Variants in CRABP2 observed in about 807,000 individuals in gnomAD.
CRABP2 encodes the protein cellular retinoic acid binding protein 2, also known as cellular retinoic acid-binding protein 2.
A neutral mutation model predicts 17.9 loss-of-function variants in CRABP2; 20 were observed. The ratio of observed to expected loss-of-function variants is 1.12; its 90% CI spans 0.79 to 1.63. The LOEUF is 1.63. CRABP2 is among the 40% of genes most tolerant of loss of function. The probability of loss-of-function intolerance (pLI) is 0.00; values close to 1 mark genes in which losing one functional copy is unlikely to be tolerated. For synonymous variants in CRABP2, 76 were observed against 66.4 expected (o/e 1.14, Z -0.70); for missense variants, 151 against 168.6 (o/e 0.90, Z 0.58).
chr1:156,703,489 AGGGATGCACTAGGCGG>A (rs1648100994), intron 1 of CRABP2, among the ~76,000 whole-genome samples: 1 of 152,188 alleles, frequency 6.6e-6, no homozygotes, highest in Non-Finnish European at 1.5e-5. Flanking sequence ...GAGTAGAGCC[AGGGATGCACTAGGCGG>A]GGGTGAAAGG....
rs1398504622 is a variant in CRABP2 at position 156,700,971 on chromosome 1, A to T, written c.152T>A (p.Phe51Tyr). Residue 51 changes from phenylalanine to tyrosine, a missense_variant, in exon 2 of 4, where the codon TTC (phenylalanine) becomes TAC (tyrosine). Coordinates refer to ENST00000368222, the MANE Select transcript of CRABP2 (RefSeq NM_001878.4). ...AVEIKQEGDT[F>Y]YIKTSTTVRT... is the part of the protein sequence containing the mutation. ...CACGGTGGTGGAGGTTTTGATGTAGAAAGTGTCTCCCTCCTGTTTGATCTC... is the reference window on the plus strand; with the variant it reads ...CACGGTGGTGGAGGTTTTGATGTAGTAAGTGTCTCCCTCCTGTTTGATCTC... 4 of 1,614,136 alleles carry T rather than the reference A, an allele frequency of 2.5e-6. No individual in the cohort carries two copies.
At chr1:156,702,649 C>G (rs6701908) in intron 1 of CRABP2, among the ~76,000 whole-genome samples, 147,615 of 151,792 alleles carry the variant, frequency 0.97, 71,884 homozygotes, top group Middle Eastern at 1. Context: ...GCACATGCCT[C>G]TACTCCCAGC....
chr1:156,702,474 A>G (rs990766359), intron 1 of CRABP2, among the ~76,000 whole-genome samples: 18 of 150,850 alleles, frequency 1.2e-4, no homozygotes, highest in African/African-American at 4.4e-4. Flanking sequence ...ACAAAAAACA[A>G]ACAAACAAAC....
intron 1 of CRABP2, among the ~76,000 whole-genome samples, chr1:156,703,557 C>T (rs968024403): frequency 1.3e-5 from 2 of 152,122 alleles, no homozygotes; most frequent in African/African-American, 4.8e-5. Context: ...CCTGATCTGG[C>T]CAACTCCCTG....
rs1647999402 is a variant in CRABP2 at position 156,700,569 on chromosome 1, T to G, written c.339A>C (p.Glu113Asp). The G allele has an allele frequency of 3.1e-6, 5 of 1,614,104 alleles. No individual in the cohort carries two copies. Among genetic ancestry groups the G allele is most frequent in the Non-Finnish European group, 4.2e-6 (5 of 1,179,974 alleles). The change falls in exon 3 of 4, where the codon GAA (glutamate) becomes GAC (aspartate). Residue 113 changes from glutamate to aspartate, a missense_variant. Glu to Asp is a conservative substitution (Grantham distance 45). Transcript: ENST00000368222. ...GGATCAGTTCCCCATCGTTGGTCAG[T>G]TCTCTGGTCCACGAGGTCTTGGGGC... ...GEGPKTSWTR[E>D]LTNDGELILT...
Position 156,700,895 on chromosome 1 carries a change from A to T in CRABP2, c.228T>A (p.Thr76=). Reference sequence around the variant, plus strand: ...TCACCTTACAGGGCCTCCCATCCACAGTCTGCTCCTCAAACTCCTCCCCAA... The same window carrying T: ...TCACCTTACAGGGCCTCCCATCCACTGTCTGCTCCTCAAACTCCTCCCCAA... ...FKVGEEFEEQ[T]VDGRPCKSLV... The change falls in exon 2 of 4, where the codon ACT becomes ACA. Residue 76 remains threonine, a synonymous_variant. Transcript: ENST00000368222. 1 of 1,613,920 alleles carries T rather than the reference A, an allele frequency of 6.2e-7. No homozygotes were observed. The highest frequency in any genetic ancestry group is 8.5e-7 in the Non-Finnish European group (1 of 1,179,896).
At position 156,700,914 on chromosome 1, in the gene CRABP2, TC is replaced by T. The variant is rs1278095019; in HGVS notation, c.208del (p.Glu70ArgfsTer17). ...ATCCACAGTCTGCTCCTCAAACTCCTCCCCAACCTTGAAGTTAATCTCTGTG... is the reference window on the plus strand; with the variant it reads ...ATCCACAGTCTGCTCCTCAAACTCCTCCCAACCTTGAAGTTAATCTCTGTG... ...RTTEINFKVG[E>X]EFEEQTVDGR... On this transcript the variant is annotated frameshift_variant, in exon 2 of 4. Coordinates refer to ENST00000368222, the MANE Select transcript of CRABP2 (RefSeq NM_001878.4). LOFTEE classifies it high-confidence loss of function. 3.7e-6 allele frequency: 6 copies of T among 1,614,022 alleles called. No homozygotes were observed. Among genetic ancestry groups the T allele is most frequent in the Non-Finnish European group, 5.1e-6 (6 of 1,179,982 alleles).
At position 156,700,360 on chromosome 1, in the gene CRABP2, T is replaced by C. The variant is rs546352702; in HGVS notation, c.366+182A>G. ...CTTTGCTTGCATAAAAGGAACACCA[T>C]TTCTAATTCACACAGGGCACTGTAT... is the stretch of plus-strand genomic sequence containing the variant. On this transcript the variant is annotated intron_variant, in intron 3 of 3. Transcript: ENST00000368222. Among the ~76,000 whole-genome samples the C allele has an allele frequency of 5.3e-5, 8 of 152,214 alleles. No homozygotes were observed. The South Asian group carries it at 1.5e-3, about 28-fold the overall frequency.
intron 1 of CRABP2, among the ~76,000 whole-genome samples, chr1:156,702,704 G>A (rs1273202110): frequency 3.3e-5 from 5 of 149,258 alleles, no homozygotes; most frequent in Admixed American, 1.3e-4. Context: ...TCCAGGAGAC[G>A]GAGGTTGTGG....
intron 1 of CRABP2, among the ~76,000 whole-genome samples, chr1:156,701,424 C>T (rs1648030113): frequency 6.6e-6 from 1 of 152,142 alleles, no homozygotes; most frequent in Admixed American, 6.5e-5. Context: ...AACAAACATC[C>T]TGCTACTGGC....
At position 156,699,957 on chromosome 1, in the gene CRABP2, G is replaced by T. The variant is rs1647976813; in HGVS notation, c.*69C>A. On this transcript the variant is annotated 3_prime_UTR_variant, in exon 4 of 4. Transcript: ENST00000368222. Reference sequence around the variant, plus strand: ...TCCTAGAAGGAGGGGGTGGGACGGAGGGGGCAGTGAAGCAGGGCGGTGAGC... The same window carrying T: ...TCCTAGAAGGAGGGGGTGGGACGGATGGGGCAGTGAAGCAGGGCGGTGAGC... 2.6e-6 allele frequency: 4 copies of T among 1,517,098 alleles called. No individual in the cohort carries two copies. In the East Asian group the frequency reaches 9.5e-5, roughly 36 times the overall value. 94.0% of individuals were successfully genotyped at this position (1,517,098 alleles called of 1,614,324 possible). A position where few individuals can be genotyped will look rare whatever the true frequency, so the allele number is the denominator to read the frequency against.
At chr1:156,705,695 C>T (rs1571483307), upstream of CRABP2, 10 of 483,980 alleles carry the variant, frequency 2.1e-5, no homozygotes, top group East Asian at 2.6e-4. The surrounding 1 kb of genome is among the most constrained non-coding windows in gnomAD (Gnocchi z 5.2). Flanking sequence ...GGGCCCTGCG[C>T]CCCCGCCACC....
intron 1 of CRABP2, among the ~76,000 whole-genome samples, chr1:156,701,625 C>T (rs1397517727): frequency 6.6e-6 from 1 of 152,076 alleles, no homozygotes; most frequent in African/African-American, 2.4e-5. Flanking sequence ...CTTCATTTGC[C>T]CAATTTCTGC....
In CRABP2 at chr1:156,705,320, C is replaced by T; in HGVS notation, c.70+57G>A. ...GTCCCGCTGTCTTTCTCATCCCCAA[C>T]TTCGAGGACTCCAGAGCCCCCCCTT... is the stretch of plus-strand genomic sequence containing the variant. On this transcript the variant is annotated intron_variant, in intron 1 of 3. Coordinates refer to ENST00000368222, the MANE Select transcript of CRABP2 (RefSeq NM_001878.4). This position sits in a 1 kb window ranked among gnomAD's most constrained non-coding sequence, Gnocchi z 5.2. The T allele has an allele frequency of 6.3e-7, 1 of 1,579,586 alleles. No homozygotes were observed. Among genetic ancestry groups the T allele is most frequent in the Non-Finnish European group, 8.7e-7 (1 of 1,148,586 alleles).
At chr1:156,701,792 C>G (rs1648041637) in intron 1 of CRABP2, among the ~76,000 whole-genome samples, 1 of 152,146 alleles carries the variant, frequency 6.6e-6, no homozygotes, top group African/African-American at 2.4e-5. Context: ...AATGGCTTAA[C>G]CACCCTGAGC....
intron 2 of CRABP2, 27 bp downstream of exon 2, chr1:156,700,847 G>T (rs771358240): frequency 6.2e-7 from 1 of 1,606,630 alleles, no homozygotes. Flanking sequence ...ATGACGCCAT[G>T]ACCCTGGAGC....
In CRABP2 at chr1:156,705,337, C is replaced by T. The variant is rs750995481; in HGVS notation, c.70+40G>A. On this transcript the variant is annotated intron_variant, in intron 1 of 3. Coordinates refer to ENST00000368222, the MANE Select transcript of CRABP2 (RefSeq NM_001878.4). This position sits in a 1 kb window ranked among gnomAD's most constrained non-coding sequence, Gnocchi z 5.2. ...ATCCCCAACTTCGAGGACTCCAGAG[C>T]CCCCCCTTGCCCCACCTGGGCCCTC... 7 of 1,601,934 alleles carry T rather than the reference C, an allele frequency of 4.4e-6. No homozygotes were observed. The highest frequency in any genetic ancestry group is 2.6e-6 in the Non-Finnish European group (3 of 1,169,012).
Position 156,699,998 on chromosome 1 carries a change from C to A in CRABP2, c.*28G>T, listed in dbSNP as rs1201021341. On this transcript the variant is annotated 3_prime_UTR_variant, in exon 4 of 4. Coordinates refer to ENST00000368222, the MANE Select transcript of CRABP2 (RefSeq NM_001878.4). ...GGCGGTGAGCATGGCCAGTGGTGGGCTTCGGCCGCGGTTCTACCTGTGGCC... is the reference window on the plus strand; with the variant it reads ...GGCGGTGAGCATGGCCAGTGGTGGGATTCGGCCGCGGTTCTACCTGTGGCC... 6.2e-7 allele frequency: 1 copy of A among 1,607,716 alleles called. No individual in the cohort carries two copies. Among genetic ancestry groups the A allele is most frequent in the Middle Eastern group, 1.7e-4 (1 of 6,038 alleles).
intron 1 of CRABP2, 91 bp from the exon 2 acceptor site, chr1:156,701,143 G>A (rs1648020711): frequency 1.4e-6 from 2 of 1,441,662 alleles, no homozygotes; most frequent in Non-Finnish European, 1.9e-6. Context: ...AGGCTGATTT[G>A]TGACTTGCTT....
Sources: gnomAD v4.1 joint callset for allele counts (sites outside exome capture counted in the v4.1 genomes callset) on GRCh38, gnomAD v4.1.1 for gene constraint, Gnocchi (gnomAD v3.1) non-coding constraint, MANE v1.5 for transcripts, NCBI Gene and HGNC (gene_info 2026-07-23, HGNC 2026-07-21) for gene names.